The following UGT3A2 variants were observed in gnomAD, a reference collection of about 807,000 sequenced individuals.
UGT3A2 encodes UDP-glycosyltransferase 3A2.
UGT3A2 carries 32 observed loss-of-function variants against 39.8 expected under a neutral mutation model. That is an observed-to-expected ratio of 0.80 (90% confidence interval 0.61 to 1.08). UGT3A2 has a LOEUF of 1.08. Among genes scored for constraint, UGT3A2 ranks in the 50% least tolerant of loss-of-function variants. The probability of loss-of-function intolerance (pLI) is 0.00; values close to 1 mark genes in which losing one functional copy is unlikely to be tolerated. For synonymous variants in UGT3A2, 241 were observed against 230.7 expected (o/e 1.04, Z -0.40); for missense variants, 611 against 637.1 (o/e 0.96, Z 0.44).
rs749544190 is a variant in UGT3A2 at position 36,048,995 on chromosome 5, A to T, written c.737T>A (p.Leu246Ter). 14 of 1,614,082 alleles carry T rather than the reference A, an allele frequency of 8.7e-6. No individual in the cohort carries two copies. The highest frequency in any genetic ancestry group is 1.2e-5 in the Non-Finnish European group (14 of 1,180,040). The change falls in exon 4 of 7, where the codon TTG becomes TAG. Residue 246 changes from leucine to a stop codon, truncating the protein, a stop_gained. Transcript: ENST00000282507. LOFTEE classifies it high-confidence loss of function. ...GGCAAAGTCAGAGTTAATGAACCAC[A>T]ACTCTGCTTTCAGTAGAAGATGAGA... is the stretch of plus-strand genomic sequence containing the variant. ...VLSHLLLKAE[L>*]WFINSDFAFD...
rs772179029 is a variant in UGT3A2 at position 36,039,511 on chromosome 5, T to C, written c.1041A>G (p.Lys347=). The C allele has an allele frequency of 2.5e-6, 4 of 1,614,004 alleles. No homozygotes were observed. The African/African-American group carries it at 4.0e-5, about 16-fold the overall frequency. The change falls in exon 5 of 7, where the codon AAA becomes AAG. Residue 347 remains lysine, a synonymous_variant. Transcript: ENST00000282507. ...CACTCTGAGGAAGCCAGTCCACAAT[T>C]TTCACATTTGCAGCCAGGTGGACAT... ...PKDVHLAANV[K]IVDWLPQSDL... is the part of the protein sequence containing the mutation.
chr5:36,064,967 T>G (rs774805262), intron 1 of UGT3A2, among the ~76,000 whole-genome samples: 5 of 152,158 alleles, frequency 3.3e-5, no homozygotes, highest in Non-Finnish European at 7.3e-5. Context: ...AAGTTCTAAT[T>G]AAGACATTTG....
chr5:36,037,684 C>T, intron 6 of UGT3A2, 113 bp downstream of exon 6: 7 of 1,127,780 alleles, frequency 6.2e-6, no homozygotes, highest in Non-Finnish European at 7.7e-6. Flanking sequence ...CTGGAAAATA[C>T]AGTTTTAATC....
At chr5:36,055,928 G>T (rs1226649212) in intron 2 of UGT3A2, among the ~76,000 whole-genome samples, 1 of 152,134 alleles carries the variant, frequency 6.6e-6, no homozygotes, top group African/African-American at 2.4e-5. Flanking sequence ...GTGTAGACTA[G>T]TCATTATCTT....
intron 5 of UGT3A2, 117 bp from the exon 6 acceptor site, chr5:36,038,133 T>A: frequency 9.4e-7 from 1 of 1,062,518 alleles, no homozygotes; most frequent in Non-Finnish European, 1.3e-6. Context: ...GGAGACATTG[T>A]ATCTAATGAC....
At chr5:36,060,884 G>A (rs796909150) in intron 2 of UGT3A2, among the ~76,000 whole-genome samples, 6 of 152,234 alleles carry the variant, frequency 3.9e-5, no homozygotes, top group African/African-American at 1.2e-4. Flanking sequence ...GGCCAGGTGC[G>A]GTGGCTCACA....
At chr5:36,058,437 A>G (rs1742582115) in intron 2 of UGT3A2, among the ~76,000 whole-genome samples, 2 of 152,230 alleles carry the variant, frequency 1.3e-5, no homozygotes, top group South Asian at 4.1e-4. Flanking sequence ...ACTGGAGACT[A>G]TATGAGTAAA....
At chr5:36,059,453 T>C (rs1742619545) in intron 2 of UGT3A2, among the ~76,000 whole-genome samples, 1 of 151,382 alleles carries the variant, frequency 6.6e-6, no homozygotes, top group Admixed American at 6.6e-5. Context: ...ATAACACCTA[T>C]TGAGGGTGGT....
intron 2 of UGT3A2, among the ~76,000 whole-genome samples, chr5:36,054,593 T>C (rs1742447372): frequency 6.6e-6 from 1 of 152,036 alleles, no homozygotes; most frequent in Non-Finnish European, 1.5e-5. Flanking sequence ...TGTGGATCTA[T>C]GAAACTAGGA....
At position 36,047,012 on chromosome 5, in the gene UGT3A2, T is replaced by C. The variant is rs1047100300; in HGVS notation, c.843+1877A>G. Among the ~76,000 whole-genome samples the C allele has an allele frequency of 3.3e-5, 5 of 152,254 alleles. No individual in the cohort carries two copies. In the East Asian group the frequency reaches 9.7e-4, roughly 29 times the overall value. On this transcript the variant is annotated intron_variant, in intron 4 of 6. Transcript: ENST00000282507. The stretch of plus-strand genomic sequence containing the variant: ...TCCTCCCATTCCATTCCTAAACAAG[T>C]GTATGTCGGCTCGCTTCCTCTGTCC...
intron 4 of UGT3A2, among the ~76,000 whole-genome samples, chr5:36,042,741 T>C (rs886310437): frequency 1.3e-5 from 2 of 152,072 alleles, no homozygotes; most frequent in East Asian, 3.8e-4. Context: ...TAGCTATACT[T>C]ACATCAGATA....
chr5:36,060,826 C>A (rs1742671425), intron 2 of UGT3A2, among the ~76,000 whole-genome samples: 1 of 152,092 alleles, frequency 6.6e-6, no homozygotes, highest in Non-Finnish European at 1.5e-5. Flanking sequence ...GATGGTCCTA[C>A]AACAATGTGA....
In UGT3A2 at chr5:36,064,365, C is replaced by A; in HGVS notation, c.95-15G>T. On this transcript the variant is annotated splice_polypyrimidine_tract_variant and intron_variant, in intron 1 of 6. Coordinates refer to ENST00000282507, the MANE Select transcript of UGT3A2 (RefSeq NM_174914.4). ...ATGGCTTCCACCTAGGAACAATGCA[C>A]AACTTCAGTTCTGGAATGATGAGAA... 6.2e-7 allele frequency: 1 copy of A among 1,603,354 alleles called. No individual in the cohort carries two copies. Among genetic ancestry groups the A allele is most frequent in the East Asian group, 2.2e-5 (1 of 44,796 alleles).
rs1466023256 is a variant in UGT3A2 at position 36,057,536 on chromosome 5, TC to T, written c.197-5553del. On this transcript the variant is annotated intron_variant, in intron 2 of 6. Transcript: ENST00000282507. ...AGTAGTTTCTCTCTCTCTCTCTCTC[TC>T]TTTTTTTTTTTTTTCTCAGACTGGG... Among the ~76,000 whole-genome samples the T allele has an allele frequency of 4.9e-3, 677 of 139,012 alleles. 7 individuals are homozygous for T. Among genetic ancestry groups the T allele is most frequent in the African/African-American group, 0.018 (651 of 36,410 alleles). 91.2% of individuals were successfully genotyped at this position (139,012 alleles called of 152,430 possible).
chr5:36,053,675 A>G (rs918230830), intron 2 of UGT3A2, among the ~76,000 whole-genome samples: 3 of 152,222 alleles, frequency 2.0e-5, no homozygotes, highest in Non-Finnish European at 4.4e-5. Flanking sequence ...TTAGTTGCTT[A>G]ACACAACACA....
At chr5:36,056,233 T>C (rs1463925982) in intron 2 of UGT3A2, among the ~76,000 whole-genome samples, 1 of 152,180 alleles carries the variant, frequency 6.6e-6, no homozygotes, top group Non-Finnish European at 1.5e-5. Context: ...CACTCTGAGA[T>C]AGAGAGGTAC....
intron 4 of UGT3A2, among the ~76,000 whole-genome samples, chr5:36,045,714 G>A (rs1742147739): frequency 1.3e-5 from 2 of 152,136 alleles, no homozygotes; most frequent in South Asian, 2.1e-4. Context: ...CCAGGATGTT[G>A]ATCTGGACAG....
chr5:36,054,152 A>G (rs978080720), intron 2 of UGT3A2, among the ~76,000 whole-genome samples: 5 of 152,220 alleles, frequency 3.3e-5, no homozygotes, highest in African/African-American at 1.2e-4. Context: ...CGAGTTAGAC[A>G]AGCTTGCCTT....
At chr5:36,066,556 T>G (rs935931867) in intron 1 of UGT3A2, 140 bp downstream of exon 1, 1 of 1,504,898 alleles carries the variant, frequency 6.6e-7, no homozygotes, top group South Asian at 1.2e-5. Flanking sequence ...CTGAATGGGC[T>G]TCTCCCTCCT....
Sources: allele counts gnomAD v4.1 joint callset (sites outside exome capture counted in the v4.1 genomes callset), GRCh38; gene constraint gnomAD v4.1.1; transcripts MANE v1.5; gene names NCBI Gene and HGNC (gene_info 2026-07-23, HGNC 2026-07-21).